Variants in NDRG2 observed in about 807,000 individuals in gnomAD.
The protein encoded by NDRG2 is NDRG family member 2.
NDRG2 carries 34 observed loss-of-function variants against 58.2 expected under a neutral mutation model. The ratio of observed to expected loss-of-function variants is 0.58; its 90% confidence interval spans 0.44 to 0.78. NDRG2 has a LOEUF of 0.78. NDRG2 is among the 30% of genes least tolerant of loss of function. The pLI is 0.00. For missense variants in NDRG2, 434 were observed against 471.2 expected (o/e 0.92, Z 0.73); for synonymous variants, 187 against 175.9 (o/e 1.06, Z -0.50).
chr14:21,023,059 G>A, intron 2 of NDRG2, 154 bp from the exon 3 acceptor site: 1 of 1,023,730 alleles, frequency 9.8e-7, no homozygotes, highest in South Asian at 1.4e-5. Context: ...AAGGATGAAG[G>A]TTAGTGTAGT....
chr14:21,063,370 T>C (rs1190542242), intron 1 of NDRG2, among the ~76,000 whole-genome samples: 1 of 152,200 alleles, frequency 6.6e-6, no homozygotes, highest in Non-Finnish European at 1.5e-5. Context: ...CAAATATCTA[T>C]TGGCACAAAT....
chr14:21,031,269 G>T (rs188571201), intron 1 of NDRG2: 2 of 1,429,280 alleles, frequency 1.4e-6, no homozygotes, highest in East Asian at 4.7e-5. Context: ...AGACAGGGCC[G>T]AAACAGACTT....
chr14:21,043,070 C>T, intron 1 of NDRG2: 2 of 1,614,214 alleles, frequency 1.2e-6, no homozygotes, highest in East Asian at 2.2e-5. Context: ...AGATCCCAGT[C>T]AGTGCCAAGC....
chr14:21,041,136 G>A (rs759107350), intron 1 of NDRG2, among the ~76,000 whole-genome samples: 1 of 152,052 alleles, frequency 6.6e-6, no homozygotes, highest in Non-Finnish European at 1.5e-5. Context: ...TGGGACCACA[G>A]GCATGCACCA....
chr14:21,025,172 T>G, upstream of NDRG2: 2 of 901,870 alleles, frequency 2.2e-6, no homozygotes, highest in Non-Finnish European at 2.7e-6. This position sits in a 1 kb window ranked among gnomAD's most constrained non-coding sequence, Gnocchi z 5.1. Flanking sequence ...AGACCCCCAG[T>G]AAACACGCCC....
At chr14:21,018,845 G>C in intron 11 of NDRG2, 31 bp from the exon 12 acceptor site, 1 of 1,613,744 alleles carries the variant, frequency 6.2e-7, no homozygotes. Context: ...AGAAGGCAGT[G>C]AGCCCCTGGC....
chr14:21,043,139 A>G, intron 1 of NDRG2: 1 of 1,614,172 alleles, frequency 6.2e-7, no homozygotes, highest in Non-Finnish European at 8.5e-7. Context: ...CCAGCCCTCA[A>G]GCATGCAACT....
upstream of NDRG2, among the ~76,000 whole-genome samples, chr14:21,027,190 G>T (rs1243452): frequency 6.6e-6 from 1 of 151,534 alleles, no homozygotes; most frequent in Admixed American, 6.6e-5. Flanking sequence ...AAGTAAGGCT[G>T]GTTCTCCCCT....
chr14:21,026,512 C>T (rs1883650248), upstream of NDRG2, among the ~76,000 whole-genome samples: 3 of 151,000 alleles, frequency 2.0e-5, 1 homozygote, highest in South Asian at 6.4e-4. Context: ...ACCCTCCCAC[C>T]ACCACCCTCA....
chr14:21,034,253 C>A, intron 1 of NDRG2: 1 of 1,613,674 alleles, frequency 6.2e-7, no homozygotes, highest in Non-Finnish European at 8.5e-7. Flanking sequence ...CCAGAACAAG[C>A]TGGAGGAAAA....
At chr14:21,044,974 C>T (rs1402421815) in intron 1 of NDRG2, among the ~76,000 whole-genome samples, 1 of 152,160 alleles carries the variant, frequency 6.6e-6, no homozygotes, top group Non-Finnish European at 1.5e-5. Flanking sequence ...TGTTTCTCTA[C>T]AGCAAAATGT....
At chr14:21,067,802 G>A (rs1419036569) in intron 1 of NDRG2, among the ~76,000 whole-genome samples, 1 of 151,858 alleles carries the variant, frequency 6.6e-6, no homozygotes, top group Non-Finnish European at 1.5e-5. Context: ...GTAAGAGCCT[G>A]CATTCTTTGG....
At chr14:21,030,808 G>A (rs1483086811), upstream of NDRG2, 19 of 1,592,036 alleles carry the variant, frequency 1.2e-5, no homozygotes, top group Non-Finnish European at 1.5e-5. Context: ...GAGGTAGTTG[G>A]CCACGGAAGG....
At chr14:21,042,573 G>A (rs186368294) in intron 1 of NDRG2, 13 of 199,976 alleles carry the variant, frequency 6.5e-5, no homozygotes, top group African/African-American at 2.4e-4. Flanking sequence ...ATGAGGACAC[G>A]CATTGGGGAA....
At chr14:21,023,177 G>C in intron 2 of NDRG2, 64 bp downstream of exon 2, 9 of 1,392,372 alleles carry the variant, frequency 6.5e-6, no homozygotes, top group Non-Finnish European at 8.1e-6. Context: ...TGGGAAGTTA[G>C]AAGGCAAGGG....
At position 21,024,971 on chromosome 14, in the gene NDRG2, C is replaced by A. The variant is rs1016963982; in HGVS notation, c.-948G>T. 1.0e-6 allele frequency: 1 copy of A among 985,674 alleles called. No homozygotes were observed. Among genetic ancestry groups the A allele is most frequent in the Non-Finnish European group, 1.2e-6 (1 of 830,130 alleles). 61.1% of individuals were successfully genotyped at this position (985,674 alleles called of 1,614,324 possible). On this transcript the variant is annotated 5_prime_UTR_variant, in exon 1 of 16. Coordinates refer to ENST00000556147, the MANE Select transcript of NDRG2 (RefSeq NM_001320329.2). ...GGGGACGCGGATCAATCACACCGCC[C>A]GCCGGCCCGGCTGGCGCCTTCCAGG...
intron 1 of NDRG2, chr14:21,032,473 G>A (rs778556165): frequency 5.2e-6 from 2 of 387,954 alleles, no homozygotes; most frequent in Non-Finnish European, 1.0e-5. Flanking sequence ...TCACGTGATG[G>A]ACTATGACTA....
At chr14:21,020,707 CA>C in intron 7 of NDRG2, 76 bp downstream of exon 7, 1 of 1,598,170 alleles carries the variant, frequency 6.3e-7, no homozygotes, top group East Asian at 2.2e-5. Context: ...CTTCCTCCCC[CA>C]AACAGCACTA....
At chr14:21,047,955 C>T (rs1336225928) in intron 1 of NDRG2, among the ~76,000 whole-genome samples, 1 of 152,130 alleles carries the variant, frequency 6.6e-6, no homozygotes, top group Non-Finnish European at 1.5e-5. Flanking sequence ...GGGATTTCCT[C>T]TGCCTACACC....
Sources: gnomAD v4.1 joint callset for allele counts (sites outside exome capture counted in the v4.1 genomes callset) on GRCh38, gnomAD v4.1.1 for gene constraint, Gnocchi (gnomAD v3.1) non-coding constraint, MANE v1.5 for transcripts, NCBI Gene and HGNC (gene_info 2026-07-23, HGNC 2026-07-21) for gene names.